The following COG5 variants were observed in gnomAD, a reference collection of about 807,000 sequenced individuals.
The protein encoded by COG5 is conserved oligomeric Golgi complex subunit 5.
COG5 carries 86 observed loss-of-function variants against 110.4 expected under a neutral mutation model. That is an observed-to-expected ratio of 0.78 (90% CI 0.65 to 0.93). The LOEUF (loss-of-function observed/expected upper bound fraction) is 0.93, where lower values mean the gene tolerates loss of function less well. Among genes scored for constraint, COG5 ranks in the 40% least tolerant of loss-of-function variants. The probability of loss-of-function intolerance (pLI) is 0.00; values close to 1 mark genes in which losing one functional copy is unlikely to be tolerated. For missense variants in COG5, 1,077 were observed against 987.0 expected, an observed-to-expected ratio of 1.09 and a Z score of -1.22; for synonymous variants, 360 against 334.6, an observed-to-expected ratio of 1.08 and a Z score of -0.83.
At chr7:107,478,092 C>T (rs374429423) in intron 6 of COG5, among the ~76,000 whole-genome samples, 16 of 151,868 alleles carry the variant, frequency 1.1e-4, no homozygotes, top group East Asian at 5.8e-4. Flanking sequence ...TGGGTCAGTT[C>T]TTCCAAAGGA....
chr7:107,205,679 A>G (rs1202604432), intron 21 of COG5, among the ~76,000 whole-genome samples: 1 of 152,168 alleles, frequency 6.6e-6, no homozygotes, highest in East Asian at 1.9e-4. Context: ...TTCCTTGCTT[A>G]CTTTCTTGCG....
intron 7 of COG5, among the ~76,000 whole-genome samples, chr7:107,389,433 A>G (rs1790453343): frequency 6.6e-6 from 1 of 152,188 alleles, no homozygotes; most frequent in Non-Finnish European, 1.5e-5. Context: ...TCTCTGCCCA[A>G]GCACAATTAT....
At chr7:107,476,751 T>G (rs1797020642) in intron 6 of COG5, among the ~76,000 whole-genome samples, 1 of 151,702 alleles carries the variant, frequency 6.6e-6, no homozygotes, top group Non-Finnish European at 1.5e-5. Flanking sequence ...TATTCTATTT[T>G]CTGAAACTGT....
chr7:107,560,360 C>T (rs925213135), intron 1 of COG5, among the ~76,000 whole-genome samples: 4 of 152,150 alleles, frequency 2.6e-5, no homozygotes, highest in African/African-American at 7.2e-5. Flanking sequence ...ATAAGTGGCA[C>T]TAAGAATGTC....
chr7:107,255,111 T>C (rs60581555), intron 16 of COG5, among the ~76,000 whole-genome samples: 1 of 152,074 alleles, frequency 6.6e-6, no homozygotes, highest in Non-Finnish European at 1.5e-5. Flanking sequence ...TGGGTAGTTA[T>C]CAAAAAAATG....
intron 19 of COG5, among the ~76,000 whole-genome samples, chr7:107,218,698 T>C (rs757733997): frequency 1.3e-5 from 2 of 151,922 alleles, no homozygotes; most frequent in Non-Finnish European, 2.9e-5. Flanking sequence ...AAAAAATCAA[T>C]TCAAAAACGG....
In COG5 at chr7:107,474,352, C is replaced by T. The variant is rs1315084204; in HGVS notation, c.538+52885G>A. The T allele has an allele frequency of 6.2e-7, 1 of 1,612,560 alleles. No individual in the cohort carries two copies. ...AATAATTTGTGTGGGATGTATTCCT[C>T]TAACTATAGTTATCCTTCTGCTTTC... is the stretch of plus-strand genomic sequence containing the variant. On this transcript the variant is annotated intron_variant, in intron 6 of 21. Transcript: ENST00000297135. This position sits in a 1 kb window ranked among gnomAD's most constrained non-coding sequence, Gnocchi z 5.7.
rs1444576135 is a variant in COG5, at chr7:107,415,847, TATAC to T, written c.539-3219_539-3216del. The stretch of plus-strand genomic sequence containing the variant: ...ACGTATGTATGTATGTGTGTGTATA[TATAC>T]ACACACATACACGTATGTATGTATG... On this transcript the variant is annotated intron_variant, in intron 6 of 21. Transcript: ENST00000297135. 6.9e-4 allele frequency among the ~76,000 whole-genome samples: 67 copies of T among 96,664 alleles called. 10 individuals carry two copies. Among genetic ancestry groups the T allele is most frequent in the African/African-American group, 1.1e-3 (29 of 27,304 alleles). 63.4% of individuals were successfully genotyped at this position (96,664 alleles called of 152,430 possible).
intron 21 of COG5, chr7:107,210,123 T>C (rs992471196): frequency 9.4e-7 from 1 of 1,065,114 alleles, no homozygotes; most frequent in Non-Finnish European, 1.1e-6. Context: ...CAGAACTGTT[T>C]CGCACTTGGG....
chr7:107,539,049 A>C (rs2129166771), intron 5 of COG5, among the ~76,000 whole-genome samples: 1 of 152,236 alleles, frequency 6.6e-6, no homozygotes, highest in South Asian at 2.1e-4. Flanking sequence ...AGGCTGAGGA[A>C]GATGGATCAC....
intron 8 of COG5, among the ~76,000 whole-genome samples, chr7:107,364,166 C>T (rs137878044): frequency 2.3e-3 from 355 of 152,204 alleles, no homozygotes; most frequent in Non-Finnish European, 4.1e-3. Flanking sequence ...ATAGGAAGTA[C>T]ACAACATCAT....
At chr7:107,412,200 G>A (rs1412494089) in intron 7 of COG5, among the ~76,000 whole-genome samples, 6 of 151,960 alleles carry the variant, frequency 3.9e-5, no homozygotes, top group Non-Finnish European at 7.4e-5. Context: ...ATGAGGAATC[G>A]TGCTTTAGAC....
intron 7 of COG5, among the ~76,000 whole-genome samples, chr7:107,393,742 T>A (rs1790790479): frequency 6.6e-6 from 1 of 152,168 alleles, no homozygotes; most frequent in Non-Finnish European, 1.5e-5. Flanking sequence ...CCAAAACCAT[T>A]TTTAAAATAC....
rs1427303914 is a variant in COG5 at position 107,273,893 on chromosome 7, G to C, written c.1575+7407C>G. Among the ~76,000 whole-genome samples the C allele has an allele frequency of 2.0e-5, 3 of 152,254 alleles. No individual in the cohort carries two copies. The East Asian group carries it at 5.8e-4, about 29-fold the overall frequency. On this transcript the variant is annotated intron_variant, in intron 14 of 21. Coordinates refer to ENST00000297135, the MANE Select transcript of COG5 (RefSeq NM_006348.5). ...TATTATATGCCTGTGGTAATGAAAAGAGGTTTAGGACAATAAAGATTAGAA... is the reference window on the plus strand; with the variant it reads ...TATTATATGCCTGTGGTAATGAAAACAGGTTTAGGACAATAAAGATTAGAA...
intron 6 of COG5, among the ~76,000 whole-genome samples, chr7:107,427,339 C>A (rs556568256): frequency 1.8e-4 from 27 of 152,262 alleles, no homozygotes; most frequent in African/African-American, 6.5e-4. Flanking sequence ...ATAATTTCTT[C>A]TCTTATTCAC....
intron 7 of COG5, among the ~76,000 whole-genome samples, chr7:107,378,360 C>T (rs928080406): frequency 5.3e-5 from 8 of 152,130 alleles, no homozygotes; most frequent in African/African-American, 1.9e-4. Context: ...CAGAATGCCT[C>T]TTCTCTTCCA....
intron 6 of COG5, among the ~76,000 whole-genome samples, chr7:107,457,961 T>C (rs887030560): frequency 6.6e-6 from 1 of 151,894 alleles, no homozygotes; most frequent in African/African-American, 2.4e-5. Context: ...ATGAAAATTA[T>C]AAAAACAATG....
At chr7:107,280,928 T>TA (rs762986131) in intron 14 of COG5, among the ~76,000 whole-genome samples, 40 of 152,100 alleles carry the variant, frequency 2.6e-4, no homozygotes, top group Middle Eastern at 3.4e-3. Flanking sequence ...GCATGAATGA[T>TA]ATATGGAGTT....
chr7:107,291,757 T>C (rs1471160437), intron 12 of COG5, among the ~76,000 whole-genome samples: 6 of 152,342 alleles, frequency 3.9e-5, no homozygotes, highest in African/African-American at 1.4e-4. Context: ...GAGGTCATGT[T>C]TGATATCTGC....
Sources: gnomAD v4.1 joint callset for allele counts (sites outside exome capture counted in the v4.1 genomes callset) on GRCh38, gnomAD v4.1.1 for gene constraint, Gnocchi (gnomAD v3.1) non-coding constraint, MANE v1.5 for transcripts, NCBI Gene and HGNC (gene_info 2026-07-23, HGNC 2026-07-21) for gene names.